Variants in ZMAT4 observed in about 807,000 individuals in gnomAD.
The protein encoded by ZMAT4 is zinc finger matrin-type 4.
In ZMAT4, 17 loss-of-function variants were observed where a neutral mutation model predicts 28.7. The observed-to-expected ratio is 0.59, with a 90% CI of 0.41 to 0.89. The LOEUF (loss-of-function observed/expected upper bound fraction) is 0.89. Among genes scored for constraint, ZMAT4 ranks in the 40% least tolerant of loss-of-function variants. The pLI, the probability that ZMAT4 is intolerant of heterozygous loss-of-function variation, is 0.00. For synonymous variants in ZMAT4, 117 were observed against 109.2 expected, an observed-to-expected ratio of 1.07 and a Z score of -0.44; for missense variants, 240 against 283.8, an observed-to-expected ratio of 0.85 and a Z score of 1.11.
At chr8:40,578,365 G>T (rs1804337032) in intron 6 of ZMAT4, among the ~76,000 whole-genome samples, 1 of 151,930 alleles carries the variant, frequency 6.6e-6, no homozygotes. Context: ...AACACTAGGT[G>T]GATCAAAGAC....
At chr8:40,633,758 T>G (rs533488610) in intron 5 of ZMAT4, among the ~76,000 whole-genome samples, 2 of 152,192 alleles carry the variant, frequency 1.3e-5, no homozygotes, top group Non-Finnish European at 2.9e-5. Flanking sequence ...TCTATAGGAA[T>G]AGCTTTAGGA....
intron 3 of ZMAT4, among the ~76,000 whole-genome samples, chr8:40,697,730 G>A (rs1243923208): frequency 7.7e-6 from 1 of 129,266 alleles, no homozygotes; most frequent in Non-Finnish European, 1.6e-5. Flanking sequence ...CCCCTGACCG[G>A]CCCCGGTGCA....
intron 2 of ZMAT4, among the ~76,000 whole-genome samples, chr8:40,781,789 A>AAAAAAAAAAAAAAC (rs1563480296): frequency 2.0e-5 from 3 of 147,846 alleles, no homozygotes; most frequent in African/African-American, 7.6e-5. Flanking sequence ...AAAAAAAAAA[A>AAAAAAAAAAAAAAC]AAGAAAAGAA....
chr8:40,727,853 T>C (rs1363975978), intron 3 of ZMAT4, among the ~76,000 whole-genome samples: 1 of 152,172 alleles, frequency 6.6e-6, no homozygotes, highest in African/African-American at 2.4e-5. Flanking sequence ...ACAAAAACCA[T>C]TATTAATTCA....
chr8:40,831,496 A>G (rs955242656), intron 1 of ZMAT4, among the ~76,000 whole-genome samples: 1 of 152,204 alleles, frequency 6.6e-6, no homozygotes, highest in Non-Finnish European at 1.5e-5. Context: ...GGCCGCAGCC[A>G]TCAGGGCCCC....
intron 3 of ZMAT4, among the ~76,000 whole-genome samples, chr8:40,737,496 G>C (rs1811820160): frequency 6.6e-6 from 1 of 152,168 alleles, no homozygotes; most frequent in Admixed American, 6.6e-5. Flanking sequence ...AAAAAATAAA[G>C]TGTTGTTTTA....
chr8:40,834,154 G>A (rs577923588), intron 1 of ZMAT4, among the ~76,000 whole-genome samples: 37 of 152,276 alleles, frequency 2.4e-4, no homozygotes, highest in African/African-American at 6.0e-4. Context: ...CACCCCAGCC[G>A]CGGGCCGTGG....
At chr8:40,589,701 C>CCTTCCTT (rs377755153) in intron 5 of ZMAT4, among the ~76,000 whole-genome samples, 91 of 117,518 alleles carry the variant, frequency 7.7e-4, no homozygotes, top group African/African-American at 2.6e-3. Context: ...TAGAGACCTT[C>CCTTCCTT]CTTCCTTCTT....
intron 1 of ZMAT4, among the ~76,000 whole-genome samples, chr8:40,842,230 C>T (rs1816729421): frequency 6.6e-6 from 1 of 152,208 alleles, no homozygotes; most frequent in South Asian, 2.1e-4. Context: ...AAGTGCACCT[C>T]TGTTCTGAGC....
chr8:40,772,359 T>C (rs185313603), intron 2 of ZMAT4, among the ~76,000 whole-genome samples: 2 of 152,258 alleles, frequency 1.3e-5, no homozygotes, highest in East Asian at 1.9e-4. Context: ...TTTGGGGGAA[T>C]AAAGAACAAG....
intron 3 of ZMAT4, among the ~76,000 whole-genome samples, chr8:40,763,527 GAAC>G (rs1813021143): frequency 1.3e-5 from 2 of 152,080 alleles, no homozygotes. Flanking sequence ...ACCCTGCCCA[GAAC>G]AACAATGCTC....
At position 40,838,391 on chromosome 8, in the gene ZMAT4, G is replaced by A. The variant is rs139528005; in HGVS notation, c.-4-12711C>T. On this transcript the variant is annotated intron_variant, in intron 1 of 6. Coordinates refer to ENST00000297737, the MANE Select transcript of ZMAT4 (RefSeq NM_024645.3). ...AGGGTCTTGCTCTCTTACCCAGCCT[G>A]GAGTGCAGTGGCATGATCATGGCTC... Among the ~76,000 whole-genome samples the A allele has an allele frequency of 4.2e-4, 64 of 152,232 alleles. No individual in the cohort carries two copies. In the East Asian group the frequency reaches 0.012, roughly 29 times the overall value.
At chr8:40,824,175 T>G (rs1345402862) in intron 2 of ZMAT4, among the ~76,000 whole-genome samples, 1 of 152,206 alleles carries the variant, frequency 6.6e-6, no homozygotes, top group Non-Finnish European at 1.5e-5. Flanking sequence ...TTGTCAGACT[T>G]GTCAGACAAA....
rs576468407 is a variant in ZMAT4 at position 40,576,521 on chromosome 8, G to C, written c.674+4644C>G. 2.1e-5 allele frequency among the ~76,000 whole-genome samples: 3 copies of C among 145,968 alleles called. No homozygotes were observed. In the East Asian group the frequency reaches 5.9e-4, roughly 29 times the overall value. On this transcript the variant is annotated intron_variant, in intron 6 of 6. Coordinates refer to ENST00000297737, the MANE Select transcript of ZMAT4 (RefSeq NM_024645.3). ...GGAGAGAATGGGATGACATATTTAA[G>C]GGCTGAAAGGAAAAAAAAAAAAAAA...
intron 6 of ZMAT4, among the ~76,000 whole-genome samples, chr8:40,563,285 A>G (rs943695189): frequency 5.3e-5 from 8 of 152,182 alleles, no homozygotes; most frequent in African/African-American, 1.9e-4. Flanking sequence ...TGGTATATAA[A>G]GTCAGTCTCA....
At chr8:40,881,769 A>G in intron 1 of ZMAT4, among the ~76,000 whole-genome samples, 1 of 152,112 alleles carries the variant, frequency 6.6e-6, no homozygotes, top group Non-Finnish European at 1.5e-5. Context: ...TAGGAGGTGC[A>G]GCGCGAAGTT....
At chr8:40,781,787 A>G (rs58670722) in intron 2 of ZMAT4, among the ~76,000 whole-genome samples, 17,309 of 143,836 alleles carry the variant, frequency 0.12, 1,780 homozygotes, top group East Asian at 0.35. Context: ...AAAAAAAAAA[A>G]AAAAGAAAAG....
intron 5 of ZMAT4, among the ~76,000 whole-genome samples, chr8:40,636,712 T>G (rs1412090744): frequency 6.6e-6 from 1 of 152,164 alleles, no homozygotes; most frequent in Non-Finnish European, 1.5e-5. Context: ...CAATGGATCC[T>G]CTGCAGGGAA....
At chr8:40,572,356 T>C (rs927194029) in intron 6 of ZMAT4, among the ~76,000 whole-genome samples, 2 of 152,170 alleles carry the variant, frequency 1.3e-5, no homozygotes, top group African/African-American at 4.8e-5. Context: ...GAGAAACAAA[T>C]GGATATCACG....
Sources: allele counts gnomAD v4.1 joint callset (sites outside exome capture counted in the v4.1 genomes callset), GRCh38; gene constraint gnomAD v4.1.1; transcripts MANE v1.5; gene names NCBI Gene and HGNC (gene_info 2026-07-23, HGNC 2026-07-21).